Variants in ZSWIM6 observed in about 807,000 individuals in gnomAD.
ZSWIM6 encodes the protein zinc finger SWIM-type containing 6, also known as zinc finger SWIM domain-containing protein 6.
A neutral mutation model predicts 113.2 loss-of-function variants in ZSWIM6; 9 were observed. The ratio of observed to expected loss-of-function variants is 0.08; its 90% CI spans 0.05 to 0.14. The LOEUF is 0.14. ZSWIM6 is among the 10% of genes least tolerant of loss of function. ZSWIM6 has a pLI of 1.00. For missense variants in ZSWIM6, 1,162 were observed against 1,552.2 expected (o/e 0.75, Z 4.22); for synonymous variants, 611 against 606.5 (o/e 1.01, Z -0.11).
intron 1 of ZSWIM6, among the ~76,000 whole-genome samples, chr5:61,409,179 T>C (rs1344344892): frequency 1.3e-5 from 2 of 151,566 alleles, no homozygotes; most frequent in African/African-American, 2.4e-5. Flanking sequence ...CATACCAAAT[T>C]GTCCAACTTC....
intron 4 of ZSWIM6, among the ~76,000 whole-genome samples, chr5:61,497,099 A>G (rs1357733893): frequency 7.2e-6 from 1 of 137,960 alleles, no homozygotes; most frequent in Non-Finnish European, 1.6e-5. Flanking sequence ...AGTGACCAGT[A>G]CACCAGGAAA....
chr5:61,493,057 C>T (rs1337817213), intron 3 of ZSWIM6, among the ~76,000 whole-genome samples: 1 of 152,078 alleles, frequency 6.6e-6, no homozygotes, highest in Non-Finnish European at 1.5e-5. Context: ...GAGAGGCTTA[C>T]CCTTGTGTTT....
intron 1 of ZSWIM6, among the ~76,000 whole-genome samples, chr5:61,374,496 G>A (rs987493833): frequency 6.6e-6 from 1 of 152,152 alleles, no homozygotes; most frequent in African/African-American, 2.4e-5. Context: ...CTCTAGTTGA[G>A]CCATGAATCA....
At chr5:61,521,487 A>G (rs1334287251) in intron 5 of ZSWIM6, 45 bp downstream of exon 5, 2 of 1,355,990 alleles carry the variant, frequency 1.5e-6, no homozygotes, top group Non-Finnish European at 1.9e-6. Flanking sequence ...CTACTTAATT[A>G]TGCATATGTG....
At chr5:61,366,927 C>CAAAAAAAAAAAAAAA in intron 1 of ZSWIM6, among the ~76,000 whole-genome samples, 1 of 86,140 alleles carries the variant, frequency 1.2e-5, no homozygotes, top group Non-Finnish European at 2.3e-5. Context: ...TCTGCTGTCT[C>CAAAAAAAAAAAAAAA]AAAAAAAAAA....
chr5:61,341,399 G>A (rs1744541336), intron 1 of ZSWIM6, among the ~76,000 whole-genome samples: 1 of 152,180 alleles, frequency 6.6e-6, no homozygotes, highest in Non-Finnish European at 1.5e-5. Flanking sequence ...TCATTTCAAT[G>A]TTTAATATTA....
chr5:61,435,937 C>G (rs1746696084), intron 1 of ZSWIM6, among the ~76,000 whole-genome samples: 1 of 152,186 alleles, frequency 6.6e-6, no homozygotes, highest in South Asian at 2.1e-4. Flanking sequence ...CGCAGTGGCT[C>G]ACGCCTATAA....
intron 1 of ZSWIM6, among the ~76,000 whole-genome samples, chr5:61,388,427 A>G (rs1745635250): frequency 6.6e-6 from 1 of 152,260 alleles, no homozygotes; most frequent in Non-Finnish European, 1.5e-5. Context: ...TTGAAAAACA[A>G]AACAAAAAAC....
At chr5:61,476,396 G>A (rs1167927801) in intron 2 of ZSWIM6, among the ~76,000 whole-genome samples, 1 of 152,130 alleles carries the variant, frequency 6.6e-6, no homozygotes, top group Non-Finnish European at 1.5e-5. Flanking sequence ...ATTTAGTGAA[G>A]GTTGTTGGAA....
chr5:61,341,625 C>T (rs1337159319), intron 1 of ZSWIM6, among the ~76,000 whole-genome samples: 1 of 152,124 alleles, frequency 6.6e-6, no homozygotes, highest in Non-Finnish European at 1.5e-5. Context: ...AAAGAATTTG[C>T]TGAAAGTTTG....
chr5:61,522,982 C>T (rs1749172562), intron 5 of ZSWIM6, among the ~76,000 whole-genome samples: 1 of 152,200 alleles, frequency 6.6e-6, no homozygotes, highest in African/African-American at 2.4e-5. Flanking sequence ...AATGGTCCAG[C>T]CTCCAGACTT....
intron 2 of ZSWIM6, among the ~76,000 whole-genome samples, chr5:61,477,358 C>T (rs1478047857): frequency 6.6e-6 from 1 of 152,158 alleles, no homozygotes; most frequent in African/African-American, 2.4e-5. Context: ...CTCAGCTAGC[C>T]AAATGTAGAA....
At chr5:61,385,951 C>T (rs1745584677) in intron 1 of ZSWIM6, among the ~76,000 whole-genome samples, 1 of 152,184 alleles carries the variant, frequency 6.6e-6, no homozygotes, top group Non-Finnish European at 1.5e-5. Context: ...TCCCAATAGC[C>T]ACACTTCTTG....
At chr5:61,464,158 ATTTTTTTTTTTTTTTT>A (rs869288331) in intron 1 of ZSWIM6, among the ~76,000 whole-genome samples, 2,088 of 43,828 alleles carry the variant, frequency 0.048, 106 homozygotes, top group African/African-American at 0.18. Context: ...CACCCGGCTA[ATTTTTTTTTTTTTTTT>A]TTTTTTTTTT....
At chr5:61,392,823 G>A (rs1024806569) in intron 1 of ZSWIM6, among the ~76,000 whole-genome samples, 3 of 152,054 alleles carry the variant, frequency 2.0e-5, no homozygotes, top group Middle Eastern at 3.4e-3. Flanking sequence ...TGTTGGTCAG[G>A]CTGGTCTCGA....
intron 2 of ZSWIM6, among the ~76,000 whole-genome samples, chr5:61,475,089 G>A (rs777142543): frequency 1.3e-5 from 2 of 152,104 alleles, no homozygotes; most frequent in African/African-American, 4.8e-5. Flanking sequence ...GTGAAAATTC[G>A]GGCAGCTAAT....
intron 4 of ZSWIM6, among the ~76,000 whole-genome samples, chr5:61,514,056 C>T (rs1161844730): frequency 1.3e-5 from 2 of 152,002 alleles, no homozygotes; most frequent in Non-Finnish European, 2.9e-5. Context: ...TTGAGTTTTC[C>T]AATCCATGAA....
At chr5:61,360,289 G>A (rs1745007425) in intron 1 of ZSWIM6, among the ~76,000 whole-genome samples, 1 of 152,210 alleles carries the variant, frequency 6.6e-6, no homozygotes, top group African/African-American at 2.4e-5. Flanking sequence ...TGTTTCCCAT[G>A]GGTGGAACCC....
intron 9 of ZSWIM6, among the ~76,000 whole-genome samples, chr5:61,532,821 A>G (rs951862456): frequency 3.9e-5 from 6 of 152,114 alleles, no homozygotes; most frequent in African/African-American, 7.2e-5. Context: ...ACACTTGACA[A>G]ATTTCAAGAG....
Sources: allele counts gnomAD v4.1 joint callset (sites outside exome capture counted in the v4.1 genomes callset), GRCh38; gene constraint gnomAD v4.1.1; transcripts MANE v1.5; gene names NCBI Gene and HGNC (gene_info 2026-07-23, HGNC 2026-07-21).